Variants in MGRN1 observed in about 807,000 individuals in gnomAD.
MGRN1 encodes the protein E3 ubiquitin-protein ligase MGRN1.
Under a neutral mutation model 69.2 loss-of-function variants are expected in MGRN1, and 29 were observed. That is an observed-to-expected ratio of 0.42 (90% CI 0.31 to 0.57). The LOEUF is 0.57. Among genes scored for constraint, MGRN1 ranks in the 20% least tolerant of loss-of-function variants. MGRN1 has a pLI of 0.15. For synonymous variants in MGRN1, 470 were observed against 344.2 expected (o/e 1.37, Z -4.04); for missense variants, 998 against 796.2 (o/e 1.25, Z -3.05).
In MGRN1 at chr16:4,653,980, G is replaced by C. The variant is rs549896542; in HGVS notation, c.443+1156G>C. 2.0e-5 allele frequency among the ~76,000 whole-genome samples: 3 copies of C among 152,106 alleles called. No individual in the cohort carries two copies. The East Asian group carries it at 5.8e-4, about 29-fold the overall frequency. Reference sequence around the variant, plus strand: ...TTGGTCAGGCTGGTCTCAATCGCTCGACCTCAGGTGATCCACCTGCCTCGG... The same window carrying C: ...TTGGTCAGGCTGGTCTCAATCGCTCCACCTCAGGTGATCCACCTGCCTCGG... On this transcript the variant is annotated intron_variant, in intron 4 of 16. Transcript: ENST00000262370.
intron 1 of MGRN1, among the ~76,000 whole-genome samples, chr16:4,632,148 C>T (rs1214025897): frequency 6.7e-6 from 1 of 150,000 alleles, no homozygotes; most frequent in African/African-American, 2.5e-5. Context: ...TCCTGTGTTG[C>T]TGGGACTACA....
chr16:4,672,746 T>A (rs1293053355), intron 9 of MGRN1, among the ~76,000 whole-genome samples: 2 of 152,254 alleles, frequency 1.3e-5, no homozygotes, highest in Admixed American at 1.3e-4. Flanking sequence ...CTGTTTTAGA[T>A]TTTTGGCTTT....
At chr16:4,647,509 CT>C (rs1451185788) in intron 1 of MGRN1, among the ~76,000 whole-genome samples, 1 of 152,218 alleles carries the variant, frequency 6.6e-6, no homozygotes, top group Admixed American at 6.5e-5. Context: ...TGCTCCACCC[CT>C]CGTCTGCTCT....
At chr16:4,686,626 G>C in intron 16 of MGRN1, 1 of 1,173,096 alleles carries the variant, frequency 8.5e-7, no homozygotes, top group Non-Finnish European at 1.1e-6. Context: ...CAGCCCAGGT[G>C]CGCCAGAGCC....
At chr16:4,676,636 A>G (rs75528177) in intron 10 of MGRN1, among the ~76,000 whole-genome samples, 2,401 of 152,160 alleles carry the variant, frequency 0.016, 32 homozygotes, top group Non-Finnish European at 0.025. Flanking sequence ...CGGCAGATGC[A>G]TTGGTTTGTT....
intron 1 of MGRN1, among the ~76,000 whole-genome samples, chr16:4,626,949 C>G (rs1479316086): frequency 1.3e-5 from 2 of 152,248 alleles, no homozygotes; most frequent in East Asian, 1.9e-4. Context: ...TTTTCCCTTT[C>G]TCTTCTCCAT....
At chr16:4,675,904 C>G (rs969861327) in intron 10 of MGRN1, among the ~76,000 whole-genome samples, 3 of 152,216 alleles carry the variant, frequency 2.0e-5, no homozygotes, top group African/African-American at 4.8e-5. Flanking sequence ...CCTGAATGTT[C>G]TCAGGGTGAA....
At chr16:4,666,467 G>C (rs1172794154) in intron 7 of MGRN1, among the ~76,000 whole-genome samples, 1 of 152,210 alleles carries the variant, frequency 6.6e-6, no homozygotes. Context: ...AGTGTGTTGA[G>C]GGAGAACATT....
At chr16:4,676,945 T>A (rs1030233167) in intron 10 of MGRN1, 3 of 152,680 alleles carry the variant, frequency 2.0e-5, no homozygotes, top group African/African-American at 7.2e-5. Context: ...CATCCCCACC[T>A]CAGCTTCCCC....
chr16:4,671,885 G>T (rs1348228146), intron 9 of MGRN1, among the ~76,000 whole-genome samples: 3 of 152,190 alleles, frequency 2.0e-5, no homozygotes, highest in Non-Finnish European at 4.4e-5. Context: ...GTCAGGGAAT[G>T]TAGCAGGGGA....
At chr16:4,663,848 A>G (rs928152760) in intron 5 of MGRN1, among the ~76,000 whole-genome samples, 3 of 152,164 alleles carry the variant, frequency 2.0e-5, no homozygotes, top group African/African-American at 4.8e-5. Flanking sequence ...CGTGGGGAAG[A>G]GGGTGGCCTT....
chr16:4,632,541 C>A (rs537568070), intron 1 of MGRN1, among the ~76,000 whole-genome samples: 2 of 152,064 alleles, frequency 1.3e-5, no homozygotes, highest in Non-Finnish European at 2.9e-5. Flanking sequence ...CTACAGGCAC[C>A]CGCCACTACG....
intron 5 of MGRN1, among the ~76,000 whole-genome samples, chr16:4,661,344 C>T (rs79374370): frequency 0.011 from 1,655 of 152,326 alleles, 33 homozygotes; most frequent in African/African-American, 0.038. Context: ...GATTGGCCGC[C>T]TTGGCCACCT....
intron 15 of MGRN1, among the ~76,000 whole-genome samples, 194 bp from the exon 16 acceptor site, chr16:4,683,649 A>C (rs1036409754): frequency 6.6e-6 from 1 of 151,906 alleles, no homozygotes; most frequent in Non-Finnish European, 1.5e-5. Flanking sequence ...AAGGAGGGAA[A>C]TAGAAGGGAA....
At position 4,673,749 on chromosome 16, in the gene MGRN1, G is replaced by A. The variant is rs139248700; in HGVS notation, c.955+92G>A. On this transcript the variant is annotated intron_variant, in intron 10 of 16. Coordinates refer to ENST00000262370, the MANE Select transcript of MGRN1 (RefSeq NM_015246.4). Reference sequence around the variant, plus strand: ...TCCTGGGATAGGGGGCCACAGGTCCGTTGATGGCTAAGAAAGAAGAGTTGT... The same window carrying A: ...TCCTGGGATAGGGGGCCACAGGTCCATTGATGGCTAAGAAAGAAGAGTTGT... The A allele has an allele frequency of 1.9e-5, 28 of 1,449,030 alleles. No individual in the cohort carries two copies. The African/African-American group carries it at 2.9e-4, about 15-fold the overall frequency. The allele number at this position is 1,449,030 out of a possible 1,614,324, so 89.8% of individuals were successfully genotyped here.
chr16:4,678,762 G>A (rs889803798), intron 11 of MGRN1, among the ~76,000 whole-genome samples: 2 of 152,208 alleles, frequency 1.3e-5, no homozygotes, highest in Non-Finnish European at 2.9e-5. Context: ...ATGAGCCGTT[G>A]GTTCTTCCAG....
At chr16:4,658,062 A>C (rs938784849) in intron 5 of MGRN1, among the ~76,000 whole-genome samples, 2 of 150,894 alleles carry the variant, frequency 1.3e-5, no homozygotes, top group African/African-American at 4.9e-5. Context: ...ACCTCTTTTA[A>C]CCAGGTCTTT....
chr16:4,657,386 T>C, intron 5 of MGRN1, 23 bp downstream of exon 5: 1 of 1,602,124 alleles, frequency 6.2e-7, no homozygotes. Flanking sequence ...GGGCGGCTCC[T>C]TGCCCTTCGC....
chr16:4,682,727 G>A (rs949797852), intron 13 of MGRN1, 96 bp from the exon 14 acceptor site: 5 of 1,362,346 alleles, frequency 3.7e-6, no homozygotes, highest in African/African-American at 3.0e-5. Context: ...TGGCAGGCGT[G>A]TGCAGGGGCC....
Sources: gnomAD v4.1 joint callset for allele counts (sites outside exome capture counted in the v4.1 genomes callset) on GRCh38, gnomAD v4.1.1 for gene constraint, MANE v1.5 for transcripts, NCBI Gene and HGNC (gene_info 2026-07-23, HGNC 2026-07-21) for gene names.